Variants in LCOR observed in about 807,000 individuals in gnomAD.
LCOR encodes the protein ligand dependent nuclear receptor corepressor.
A neutral mutation model predicts 64.4 loss-of-function variants in LCOR; 14 were observed. That is an observed-to-expected ratio of 0.22 (90% CI 0.14 to 0.34). The LOEUF is 0.34. Ranked by LOEUF, LCOR falls within the 10% of genes least tolerant of loss-of-function variation. The pLI, the probability that LCOR is intolerant of heterozygous loss-of-function variation, is 1.00. For missense variants in LCOR, 1,686 were observed against 1,765.3 expected (o/e 0.96, Z 0.80); for synonymous variants, 643 against 642.5 (o/e 1.00, Z -0.01).
intron 2 of LCOR, among the ~76,000 whole-genome samples, chr10:96,879,551 G>A (rs1447389078): frequency 2.0e-5 from 3 of 152,188 alleles, no homozygotes; most frequent in Non-Finnish European, 2.9e-5. Context: ...TAGAAGAGTC[G>A]TAGAAATTAT....
intron 7 of LCOR, among the ~76,000 whole-genome samples, chr10:96,979,025 G>A (rs907554162): frequency 3.9e-5 from 6 of 152,288 alleles, no homozygotes; most frequent in East Asian, 1.9e-4. Flanking sequence ...GTGGAATCTC[G>A]GATCTCCATA....
chr10:96,968,158 GT>G (rs1339957165), intron 7 of LCOR, among the ~76,000 whole-genome samples: 11 of 152,278 alleles, frequency 7.2e-5, no homozygotes, highest in Non-Finnish European at 1.6e-4. Flanking sequence ...ACCACAGGAA[GT>G]TTTTATTAAC....
chr10:96,860,072 T>G (rs568336660), intron 2 of LCOR, among the ~76,000 whole-genome samples: 6 of 152,122 alleles, frequency 3.9e-5, no homozygotes, highest in Non-Finnish European at 7.4e-5. Flanking sequence ...CAAATGAAAA[T>G]TGGATGCTGT....
intron 7 of LCOR, chr10:96,963,225 AAG>A (rs1847907699): frequency 6.6e-6 from 1 of 152,190 alleles, no homozygotes; most frequent in Non-Finnish European, 1.5e-5. Context: ...TTTTTAAAAA[AAG>A]CGCATAAATG....
intron 2 of LCOR, among the ~76,000 whole-genome samples, chr10:96,859,336 A>G (rs560558302): frequency 1.3e-5 from 2 of 152,182 alleles, no homozygotes; most frequent in African/African-American, 2.4e-5. Context: ...CAGCCTCCCA[A>G]GTAGCTGGGA....
At chr10:96,907,430 G>C (rs1213699319) in intron 3 of LCOR, 100 bp downstream of exon 3, 1 of 273,098 alleles carries the variant, frequency 3.7e-6, no homozygotes, top group African/African-American at 2.3e-5. Context: ...GGTTTCATGT[G>C]GGTTAAAGCT....
chr10:96,971,904 C>G (rs1036247852), intron 7 of LCOR, among the ~76,000 whole-genome samples: 1 of 152,042 alleles, frequency 6.6e-6, no homozygotes, highest in South Asian at 2.1e-4. Flanking sequence ...GCATGTGTGC[C>G]TACACATTCA....
At chr10:96,847,406 TTTTATTTATTTATTTA>T (rs137983276) in intron 2 of LCOR, among the ~76,000 whole-genome samples, 1 of 150,842 alleles carries the variant, frequency 6.6e-6, no homozygotes, top group East Asian at 2.0e-4. Context: ...GTCAAGAGTA[TTTTATTTATTTATTTA>T]TTTATTTATT....
rs55839435 is a variant in LCOR at position 96,920,751 on chromosome 10, T to TACACACAC, written c.-184+13037_-184+13044dup. Among the ~76,000 whole-genome samples the TACACACAC allele has an allele frequency of 6.1e-3, 723 of 118,844 alleles. 5 individuals are homozygous for TACACACAC. Among genetic ancestry groups the TACACACAC allele is most frequent in the Middle Eastern group, 0.012 (3 of 248 alleles). 78.0% of individuals were successfully genotyped at this position (118,844 alleles called of 152,430 possible). ...GTTCATATATATGTGTATATATGTA[T>TACACACAC]ACACACACACACACACACACACACA... On this transcript the variant is annotated intron_variant, in intron 4 of 7. Coordinates refer to ENST00000421806, the MANE Select transcript of LCOR (RefSeq NM_001346516.2).
intron 2 of LCOR, among the ~76,000 whole-genome samples, chr10:96,863,206 G>GT (rs869227042): frequency 0.12 from 15,415 of 125,684 alleles, 963 homozygotes; most frequent in East Asian, 0.23. Context: ...TTCTTTTTCT[G>GT]TTTTTTTTTT....
intron 5 of LCOR, among the ~76,000 whole-genome samples, chr10:96,944,596 T>C (rs1847554949): frequency 6.6e-6 from 1 of 151,798 alleles, no homozygotes; most frequent in African/African-American, 2.4e-5. Context: ...TGTGTGATTT[T>C]TTTTTTTTTT....
chr10:96,833,293 G>A (rs1482359727), intron 1 of LCOR, 113 bp from the exon 2 acceptor site: 2 of 954,038 alleles, frequency 2.1e-6, no homozygotes, highest in Non-Finnish European at 2.5e-6. Flanking sequence ...CCGCCCTCGG[G>A]TGGCTTTTTC....
At chr10:96,963,823 C>T (rs1027641579) in intron 7 of LCOR, 3 of 152,180 alleles carry the variant, frequency 2.0e-5, no homozygotes, top group South Asian at 2.1e-4. Flanking sequence ...TGATATCTTA[C>T]ATCTAAAATA....
chr10:96,980,884 C>A lies in LCOR; in HGVS notation c.424C>A (p.Gln142Lys). The A allele has an allele frequency of 1.4e-6, 1 of 703,022 alleles. No individual in the cohort carries two copies. The highest frequency in any genetic ancestry group is 1.5e-5 in the South Asian group (1 of 67,590). 43.5% of individuals were successfully genotyped at this position (703,022 alleles called of 1,614,324 possible). A position where few individuals can be genotyped will look rare whatever the true frequency, so the allele number is the denominator to read the frequency against. ...TATGGTCAAACTGTGTACTCATCAT[C>A]AAAAGCAATTCATTCGTGTTCTGAA... ...KFMVKLCTHH[Q>K]KQFIRVLNDL... is the part of the protein sequence containing the mutation. Residue 142 changes from glutamine (Q) to lysine (K), a missense_variant, in exon 8 of 8, where the codon CAA becomes AAA. Gln to Lys is a moderately conservative substitution (Grantham distance 53, BLOSUM62 1). Transcript: ENST00000421806.
intron 2 of LCOR, among the ~76,000 whole-genome samples, chr10:96,895,635 T>C (rs937949746): frequency 4.6e-5 from 7 of 152,198 alleles, no homozygotes; most frequent in African/African-American, 1.7e-4. Context: ...CTAAATCTCT[T>C]ACCTTATCTT....
At chr10:96,912,403 A>G (rs1007343549) in intron 4 of LCOR, among the ~76,000 whole-genome samples, 1 of 152,258 alleles carries the variant, frequency 6.6e-6, no homozygotes, top group Non-Finnish European at 1.5e-5. Flanking sequence ...ATGATACAAT[A>G]GTATAATCTG....
intron 4 of LCOR, among the ~76,000 whole-genome samples, chr10:96,927,557 G>T (rs1847190689): frequency 6.6e-6 from 1 of 151,848 alleles, no homozygotes; most frequent in Non-Finnish European, 1.5e-5. Context: ...AAATGCAAAA[G>T]AAAATCTCAT....
chr10:96,864,008 C>T (rs767292812), intron 2 of LCOR, among the ~76,000 whole-genome samples: 1 of 152,152 alleles, frequency 6.6e-6, no homozygotes, highest in Admixed American at 6.5e-5. Flanking sequence ...TGATGTGAAA[C>T]ACCTGTCCCT....
intron 2 of LCOR, among the ~76,000 whole-genome samples, chr10:96,834,825 C>T (rs1214614173): frequency 6.6e-6 from 1 of 152,084 alleles, no homozygotes; most frequent in African/African-American, 2.4e-5. Flanking sequence ...GCCTCAGGAC[C>T]CCATTTTTTC....
Sources: gnomAD v4.1 joint callset for allele counts (sites outside exome capture counted in the v4.1 genomes callset) on GRCh38, gnomAD v4.1.1 for gene constraint, MANE v1.5 for transcripts, NCBI Gene and HGNC (gene_info 2026-07-23, HGNC 2026-07-21) for gene names.